Variants in ATOX1 observed in about 807,000 individuals in gnomAD.
ATOX1 encodes antioxidant 1 copper chaperone.
A neutral mutation model predicts 7.3 loss-of-function variants in ATOX1; 4 were observed. That is an observed-to-expected ratio of 0.55 (90% CI 0.27 to 1.25). The LOEUF (loss-of-function observed/expected upper bound fraction) is 1.25. Ranked by LOEUF, ATOX1 falls within the 50% of genes most tolerant of loss-of-function variation. ATOX1 has a pLI of 0.12. For missense variants in ATOX1, 68 were observed against 81.6 expected (o/e 0.83, Z 0.64); for synonymous variants, 25 against 28.7 (o/e 0.87, Z 0.41).
At chr5:151,755,225 G>A (rs1762000053) in intron 1 of ATOX1, among the ~76,000 whole-genome samples, 1 of 152,136 alleles carries the variant, frequency 6.6e-6, no homozygotes, top group Non-Finnish European at 1.5e-5. Flanking sequence ...AAGCTTTGAA[G>A]GGTTTGCAAG....
At position 151,752,742 on chromosome 5, in the gene ATOX1, T is replaced by C. The variant is rs1440201054; in HGVS notation, c.7-963A>G. Among the ~76,000 whole-genome samples the C allele has an allele frequency of 1.6e-4, 24 of 152,336 alleles. No individual in the cohort carries two copies. The East Asian group carries it at 4.4e-3, about 28-fold the overall frequency. ...CTTCAGATACCAGCTCTGGCACTAC[T>C]AGTTGCATGATCATCAATATGTTAC... On this transcript the variant is annotated intron_variant, in intron 1 of 3. Coordinates refer to ENST00000313115, the MANE Select transcript of ATOX1 (RefSeq NM_004045.4).
chr5:151,748,603 T>G (rs28917203), intron 2 of ATOX1, among the ~76,000 whole-genome samples: 1 of 152,336 alleles, frequency 6.6e-6, no homozygotes, highest in East Asian at 1.9e-4. Flanking sequence ...GGCTCATGTC[T>G]GTAATCCCAG....
intron 1 of ATOX1, among the ~76,000 whole-genome samples, chr5:151,757,119 T>A (rs1183184053): frequency 6.6e-6 from 1 of 152,234 alleles, no homozygotes; most frequent in Non-Finnish European, 1.5e-5. Context: ...TATATTTTTT[T>A]CTTCCCTTTC....
intron 1 of ATOX1, chr5:151,752,445 C>T: frequency 1.4e-6 from 1 of 692,592 alleles, no homozygotes; most frequent in Non-Finnish European, 2.6e-6. Flanking sequence ...GCTCTACATT[C>T]TACAGTCTCT....
chr5:151,743,027 G>A (rs1761839426), intron 3 of ATOX1, 68 bp from the exon 4 acceptor site: 1 of 152,316 alleles, frequency 6.6e-6, no homozygotes, highest in South Asian at 2.1e-4. Flanking sequence ...CATTGCAAAG[G>A]CAATAAATGC....
chr5:151,746,367 C>T lies in ATOX1; in HGVS notation c.165G>A (p.Leu55=), dbSNP rs751753743. 6.2e-7 allele frequency: 1 copy of T among 1,613,800 alleles called. No individual in the cohort carries two copies. The highest frequency in any genetic ancestry group is 1.3e-5 in the African/African-American group (1 of 74,886). Residue 55 remains leucine, a synonymous_variant, in exon 3 of 4, where the codon CTG becomes CTA. Transcript: ENST00000313115. The part of the protein sequence containing the change: ...EHSMDTLLAT[L]KKTGKTVSYL... ...AGGAAACAGTCTTTCCTGTTTTCTT[C>T]AGGGTTGCAAGCAGAGTGTCCATGC...
At chr5:151,752,654 T>C (rs547651794) in intron 1 of ATOX1, among the ~76,000 whole-genome samples, 1 of 152,330 alleles carries the variant, frequency 6.6e-6, no homozygotes, top group African/African-American at 2.4e-5. Flanking sequence ...CAAGGATTAC[T>C]TATACCAATA....
intron 2 of ATOX1, among the ~76,000 whole-genome samples, chr5:151,749,472 C>T (rs535930823): frequency 7.0e-5 from 10 of 143,768 alleles, no homozygotes; most frequent in Non-Finnish European, 1.2e-4. Context: ...GCAACAAGAG[C>T]GAAATTCTGC....
chr5:151,747,083 T>C (rs1761887513), intron 2 of ATOX1, among the ~76,000 whole-genome samples: 1 of 151,692 alleles, frequency 6.6e-6, no homozygotes, highest in Admixed American at 6.6e-5. Context: ...TTTTTTTTTT[T>C]TCAAAAAAGC....
At chr5:151,755,867 T>A (rs183405653) in intron 1 of ATOX1, among the ~76,000 whole-genome samples, 2 of 152,264 alleles carry the variant, frequency 1.3e-5, no homozygotes, top group Admixed American at 1.3e-4. Context: ...TTATAAAGAC[T>A]TATAAAATGG....
intron 2 of ATOX1, among the ~76,000 whole-genome samples, chr5:151,748,530 G>A (rs772232369): frequency 3.9e-5 from 6 of 152,154 alleles, no homozygotes; most frequent in East Asian, 1.9e-4. Context: ...GAAACCTGCC[G>A]AAGCTTAAAG....
At chr5:151,753,332 G>T (rs962709627) in intron 1 of ATOX1, among the ~76,000 whole-genome samples, 3 of 152,172 alleles carry the variant, frequency 2.0e-5, no homozygotes, top group Non-Finnish European at 4.4e-5. Flanking sequence ...AAATATATTT[G>T]TTGTTTTATA....
chr5:151,750,342 G>A (rs1374193555), intron 2 of ATOX1, among the ~76,000 whole-genome samples: 1 of 152,098 alleles, frequency 6.6e-6, no homozygotes, highest in African/African-American at 2.4e-5. Context: ...CGGATTACTT[G>A]AGGTCAAGAG....
At chr5:151,756,490 A>T (rs1762018961) in intron 1 of ATOX1, among the ~76,000 whole-genome samples, 1 of 140,352 alleles carries the variant, frequency 7.1e-6, no homozygotes, top group African/African-American at 2.7e-5. Flanking sequence ...CTTTTGAGAC[A>T]GGGTTTCACT....
At chr5:151,747,141 T>C (rs946593161) in intron 2 of ATOX1, among the ~76,000 whole-genome samples, 1 of 152,046 alleles carries the variant, frequency 6.6e-6, no homozygotes, top group Non-Finnish European at 1.5e-5. Context: ...CTACTGATCC[T>C]GCCCCTAGAG....
chr5:151,752,501 C>G (rs1319528897), intron 1 of ATOX1: 1 of 627,486 alleles, frequency 1.6e-6, no homozygotes, highest in Non-Finnish European at 2.8e-6. Context: ...TCCCAGAAGA[C>G]AGAGGTTTTG....
chr5:151,748,030 G>A (rs1761899795), intron 2 of ATOX1, among the ~76,000 whole-genome samples: 1 of 152,200 alleles, frequency 6.6e-6, no homozygotes, highest in Non-Finnish European at 1.5e-5. Context: ...ATTTGAACTT[G>A]TCTTAAAACA....
chr5:151,746,244 T>C (rs1452914455), intron 3 of ATOX1, 35 bp downstream of exon 3: 2 of 1,571,114 alleles, frequency 1.3e-6, no homozygotes, highest in East Asian at 2.3e-5. Context: ...GTGTGAGCTG[T>C]AGGTTTGTTC....
chr5:151,751,516 G>A (rs936910941), intron 2 of ATOX1, among the ~76,000 whole-genome samples, 188 bp downstream of exon 2: 2 of 152,106 alleles, frequency 1.3e-5, no homozygotes, highest in African/African-American at 2.4e-5. Context: ...TGAAATGGCC[G>A]TGGTGAGGAT....
Sources: allele counts gnomAD v4.1 joint callset (sites outside exome capture counted in the v4.1 genomes callset), GRCh38; gene constraint gnomAD v4.1.1; transcripts MANE v1.5; gene names NCBI Gene and HGNC (gene_info 2026-07-23, HGNC 2026-07-21).